G3BP2: variants seen among roughly 807,000 people sequenced by gnomAD.
G3BP2 encodes the protein G3BP stress granule assembly factor 2.
A neutral mutation model predicts 56.7 loss-of-function variants in G3BP2; 11 were observed. The observed-to-expected ratio is 0.19, with a 90% CI of 0.12 to 0.32. G3BP2 has a LOEUF of 0.32. G3BP2 is among the 10% of genes least tolerant of loss of function. The pLI is 1.00. For synonymous variants in G3BP2, 165 were observed against 191.6 expected (o/e 0.86, Z 1.15); for missense variants, 340 against 610.9 (o/e 0.56, Z 4.67).
At chr4:75,665,541 C>G (rs1172236532) in intron 1 of G3BP2, among the ~76,000 whole-genome samples, 2 of 151,904 alleles carry the variant, frequency 1.3e-5, no homozygotes, top group African/African-American at 2.4e-5. Flanking sequence ...AGCTTAGGAG[C>G]TGAAGACCAG....
At chr4:75,667,349 T>C (rs2149027661) in intron 1 of G3BP2, among the ~76,000 whole-genome samples, 1 of 152,090 alleles carries the variant, frequency 6.6e-6, no homozygotes, top group Non-Finnish European at 1.5e-5. Flanking sequence ...AAGAAATCTT[T>C]AGAAAGTTCT....
intron 3 of G3BP2, among the ~76,000 whole-genome samples, chr4:75,714,393 G>T (rs546087085): frequency 6.6e-6 from 1 of 152,170 alleles, no homozygotes; most frequent in African/African-American, 2.4e-5. Context: ...TTGGAAGGCC[G>T]GGGCGGGCAG....
At chr4:75,711,018 G>A (rs1719734786) in intron 3 of G3BP2, among the ~76,000 whole-genome samples, 1 of 152,068 alleles carries the variant, frequency 6.6e-6, no homozygotes, top group African/African-American at 2.4e-5. Flanking sequence ...CAACCTGTCT[G>A]GCTTTAAAGA....
chr4:75,704,284 T>A (rs1209152094), intron 3 of G3BP2, among the ~76,000 whole-genome samples: 1 of 152,088 alleles, frequency 6.6e-6, no homozygotes, highest in East Asian at 1.9e-4. Context: ...CCCAAAGTGC[T>A]GGGATTACAG....
chr4:75,702,549 T>G (rs1719390105), intron 3 of G3BP2, among the ~76,000 whole-genome samples: 2 of 152,214 alleles, frequency 1.3e-5, no homozygotes, highest in South Asian at 4.1e-4. Flanking sequence ...CTAGTCTATC[T>G]TTTGTCATAA....
intron 8 of G3BP2, among the ~76,000 whole-genome samples, chr4:75,651,703 T>C (rs1313265260): frequency 6.6e-6 from 1 of 152,172 alleles, no homozygotes; most frequent in Non-Finnish European, 1.5e-5. Context: ...TAAAATTAAT[T>C]CCATGCAACC....
chr4:75,656,915 T>C lies in G3BP2; in HGVS notation c.442+9A>G, dbSNP rs780350236. The C allele has an allele frequency of 2.3e-6, 3 of 1,289,836 alleles. No homozygotes were observed. Among genetic ancestry groups the C allele is most frequent in the East Asian group, 2.3e-5 (1 of 42,682 alleles). The allele number at this position is 1,289,836 out of a possible 1,614,324, so 79.9% of individuals were successfully genotyped here. A position where few individuals can be genotyped will look rare whatever the true frequency, so the allele number is the denominator to read the frequency against. On this transcript the variant is annotated intron_variant, in intron 5 of 11. Coordinates refer to ENST00000359707, the MANE Select transcript of G3BP2 (RefSeq NM_203505.3). Reference sequence around the variant, plus strand: ...CCCTTCTATCTTCATATCTTCAAAGTAACCTCACCTTCATCAAGTTCAGGC... The same window carrying C: ...CCCTTCTATCTTCATATCTTCAAAGCAACCTCACCTTCATCAAGTTCAGGC...
Position 75,717,540 on chromosome 4 carries a change from G to C in G3BP2, c.-25+3337C>G, listed in dbSNP as rs190989392. Among the ~76,000 whole-genome samples, 100 of 152,258 alleles carry C rather than the reference G, an allele frequency of 6.6e-4. 1 individual carries two copies. The highest frequency in any genetic ancestry group is 2.3e-3 in the African/African-American group (94 of 41,546). On this transcript the variant is annotated intron_variant, in intron 3 of 3. Transcript: ENST00000499709. ...GGGGCATAGCCTCAGGCAAATGACA[G>C]AGATCAGCTGCCAACTACTCTAAAA...
intron 3 of G3BP2, among the ~76,000 whole-genome samples, chr4:75,694,359 T>C (rs891867165): frequency 4.6e-5 from 7 of 152,186 alleles, no homozygotes; most frequent in African/African-American, 1.4e-4. Context: ...CCCAGCACTT[T>C]GGGAGGCCGA....
chr4:75,655,983 ATTTTCTT>A, intron 5 of G3BP2, 113 bp from the exon 6 acceptor site: 1 of 585,406 alleles, frequency 1.7e-6, no homozygotes, highest in East Asian at 2.9e-5. Context: ...AAATTTGACA[ATTTTCTT>A]TCCTTTTTTT....
intron 3 of G3BP2, among the ~76,000 whole-genome samples, chr4:75,695,499 G>A (rs1053924987): frequency 6.6e-6 from 1 of 152,130 alleles, no homozygotes; most frequent in Non-Finnish European, 1.5e-5. Context: ...GTGGGTATGG[G>A]ACTTAGGAAA....
intron 8 of G3BP2, among the ~76,000 whole-genome samples, chr4:75,650,318 C>T (rs1481951373): frequency 6.0e-5 from 9 of 149,030 alleles, no homozygotes; most frequent in Non-Finnish European, 8.9e-5. Flanking sequence ...CCTGTAATCC[C>T]AGCTACTAGG....
chr4:75,690,610 C>T (rs191380714), intron 3 of G3BP2, among the ~76,000 whole-genome samples: 2 of 152,190 alleles, frequency 1.3e-5, no homozygotes, highest in East Asian at 1.9e-4. Flanking sequence ...CTCACTCTGT[C>T]GCCCCCACTG....
At chr4:75,678,311 T>C (rs1211405798), upstream of G3BP2, among the ~76,000 whole-genome samples, 2 of 144,928 alleles carry the variant, frequency 1.4e-5, no homozygotes, top group African/African-American at 5.4e-5. Context: ...TGTGTGTGTG[T>C]GTGTGTGTGT....
At chr4:75,690,491 C>T (rs1718808627) in intron 3 of G3BP2, among the ~76,000 whole-genome samples, 2 of 151,312 alleles carry the variant, frequency 1.3e-5, no homozygotes, top group Non-Finnish European at 1.5e-5. Context: ...GGAAAACCTA[C>T]AGTAGATTAG....
intron 3 of G3BP2, among the ~76,000 whole-genome samples, chr4:75,713,008 AAAACAAAACAAAT>A (rs1423258320): frequency 6.6e-6 from 1 of 152,192 alleles, no homozygotes; most frequent in African/African-American, 2.4e-5. Flanking sequence ...ATCAAAAAAC[AAAACAAAACAAAT>A]AAACAAAACC....
intron 8 of G3BP2, among the ~76,000 whole-genome samples, chr4:75,649,999 G>C (rs1731549980): frequency 6.6e-6 from 1 of 152,058 alleles, no homozygotes; most frequent in Non-Finnish European, 1.5e-5. Context: ...CAACAAGAGT[G>C]AAACTCCTTC....
chr4:75,723,009 T>C (rs1047284030), intron 1 of G3BP2, among the ~76,000 whole-genome samples: 2 of 152,246 alleles, frequency 1.3e-5, no homozygotes, highest in East Asian at 3.8e-4. Context: ...ATTTATTCAA[T>C]GTACACCATA....
At chr4:75,703,854 C>A (rs1004640162) in intron 3 of G3BP2, among the ~76,000 whole-genome samples, 1 of 152,090 alleles carries the variant, frequency 6.6e-6, no homozygotes, top group Non-Finnish European at 1.5e-5. Flanking sequence ...ATTTCATTTT[C>A]TTATTATTAG....
Sources: allele counts gnomAD v4.1 joint callset (sites outside exome capture counted in the v4.1 genomes callset), GRCh38; gene constraint gnomAD v4.1.1; transcripts MANE v1.5; gene names NCBI Gene and HGNC (gene_info 2026-07-23, HGNC 2026-07-21).